Variants in NFU1 observed in about 807,000 individuals in gnomAD.
The protein encoded by NFU1 is NFU1 iron-sulfur cluster scaffold homolog, mitochondrial.
In NFU1, 30 loss-of-function variants were observed where a neutral mutation model predicts 32.2. That is an observed-to-expected ratio of 0.93 (90% CI 0.70 to 1.26). The LOEUF is 1.26. Ranked by LOEUF, NFU1 falls within the 50% of genes most tolerant of loss-of-function variation. The probability of loss-of-function intolerance (pLI) is 0.00; values close to 1 mark genes in which losing one functional copy is unlikely to be tolerated. For synonymous variants in NFU1, 112 were observed against 104.6 expected (o/e 1.07, Z -0.43); for missense variants, 306 against 306.6 (o/e 1.00, Z 0.02).
chr2:69,414,233 C>T (rs1408112492), intron 5 of NFU1, among the ~76,000 whole-genome samples: 2 of 151,976 alleles, frequency 1.3e-5, no homozygotes, highest in African/African-American at 4.8e-5. Flanking sequence ...CTATCCAGCA[C>T]ATAAAATGAG....
chr2:69,428,318 A>G (rs1430238469), intron 2 of NFU1, among the ~76,000 whole-genome samples: 1 of 152,036 alleles, frequency 6.6e-6, no homozygotes, highest in Non-Finnish European at 1.5e-5. Context: ...CCAGCTACCT[A>G]GAAGGCTGAT....
At chr2:69,422,293 ATTGT>A (rs995492803) in intron 3 of NFU1, among the ~76,000 whole-genome samples, 8 of 152,144 alleles carry the variant, frequency 5.3e-5, no homozygotes, top group Non-Finnish European at 7.4e-5. Flanking sequence ...AAACTGATGA[ATTGT>A]TTATTTCTGG....
chr2:69,431,472 AT>A (rs1247825432), intron 2 of NFU1, among the ~76,000 whole-genome samples: 1 of 152,006 alleles, frequency 6.6e-6, no homozygotes, highest in Non-Finnish European at 1.5e-5. Flanking sequence ...TGCCCAGCTA[AT>A]TTTTTGTATT....
intron 7 of NFU1, chr2:69,399,526 G>A (rs1558805516): frequency 4.1e-6 from 1 of 244,316 alleles, no homozygotes; most frequent in African/African-American, 2.4e-5. Flanking sequence ...GGCCAGTTGT[G>A]TTAATCCTTA....
intron 5 of NFU1, among the ~76,000 whole-genome samples, chr2:69,413,537 A>G (rs1672958278): frequency 2.6e-5 from 4 of 152,160 alleles, no homozygotes; most frequent in Admixed American, 1.3e-4. Flanking sequence ...AGGCAGGTGA[A>G]TCCACTTGAG....
chr2:69,438,634 G>C (rs954239846), upstream of NFU1, among the ~76,000 whole-genome samples: 1 of 152,196 alleles, frequency 6.6e-6, no homozygotes, highest in Non-Finnish European at 1.5e-5. Context: ...GGAAGACAGA[G>C]GACTGGTTTC....
At chr2:69,419,262 G>A (rs1011774720) in intron 4 of NFU1, among the ~76,000 whole-genome samples, 1 of 152,116 alleles carries the variant, frequency 6.6e-6, no homozygotes, top group East Asian at 1.9e-4. Flanking sequence ...GGGAGGCAGA[G>A]GTGGCAGTGA....
At chr2:69,398,972 G>A (rs893200726) in intron 7 of NFU1, among the ~76,000 whole-genome samples, 2 of 152,132 alleles carry the variant, frequency 1.3e-5, no homozygotes, top group African/African-American at 2.4e-5. Context: ...AGCACTCTGG[G>A]AGGCCGAGGC....
chr2:69,418,461 G>C (rs971348075), intron 4 of NFU1, among the ~76,000 whole-genome samples: 2 of 152,000 alleles, frequency 1.3e-5, no homozygotes. Flanking sequence ...CACTAACCCA[G>C]TATGTCCCCT....
intron 7 of NFU1, among the ~76,000 whole-genome samples, chr2:69,396,640 G>A (rs988490032): frequency 1.1e-4 from 17 of 151,712 alleles, no homozygotes; most frequent in African/African-American, 4.1e-4. Context: ...GCAACACAGC[G>A]AGACTCTGTC....
chr2:69,421,205 C>T (rs184320410), intron 3 of NFU1, among the ~76,000 whole-genome samples: 2 of 151,764 alleles, frequency 1.3e-5, no homozygotes, highest in Admixed American at 6.6e-5. Context: ...AAAAGTGAAA[C>T]CTTATCTCAA....
chr2:69,438,033 A>G (rs2104830368), upstream of NFU1, among the ~76,000 whole-genome samples: 1 of 152,320 alleles, frequency 6.6e-6, no homozygotes, highest in South Asian at 2.1e-4. Flanking sequence ...TTTCCAGGGC[A>G]GAGTGCCAAA....
At chr2:69,435,808 A>G (rs1320250875) in intron 1 of NFU1, among the ~76,000 whole-genome samples, 1 of 152,116 alleles carries the variant, frequency 6.6e-6, no homozygotes, top group East Asian at 1.9e-4. Flanking sequence ...GCTGAAGTGC[A>G]GTGGCGTGAT....
chr2:69,432,756 A>C (rs992192412), intron 1 of NFU1, among the ~76,000 whole-genome samples: 19 of 121,408 alleles, frequency 1.6e-4, no homozygotes, highest in Admixed American at 8.0e-4. Flanking sequence ...TAAATAGTGA[A>C]AGCCTCCCTC....
At chr2:69,413,158 A>C (rs1310242134) in intron 5 of NFU1, among the ~76,000 whole-genome samples, 1 of 151,792 alleles carries the variant, frequency 6.6e-6, no homozygotes, top group Admixed American at 6.6e-5. Flanking sequence ...GGTGGCAGGC[A>C]CCTGTAATCC....
At chr2:69,417,530 T>C (rs893152157) in intron 4 of NFU1, among the ~76,000 whole-genome samples, 1 of 151,500 alleles carries the variant, frequency 6.6e-6, no homozygotes, top group Non-Finnish European at 1.5e-5. Flanking sequence ...CATGCACCTG[T>C]AGTCCCAGCT....
At chr2:69,416,320 A>T (rs1014993163) in intron 4 of NFU1, 3 of 146,500 alleles carry the variant, frequency 2.0e-5, no homozygotes, top group African/African-American at 7.4e-5. Context: ...ATTTATAATT[A>T]ATAAAAATTA....
chr2:69,419,698 C>T (rs1673178329), intron 3 of NFU1, 94 bp from the exon 4 acceptor site: 1 of 758,444 alleles, frequency 1.3e-6, no homozygotes, highest in African/African-American at 1.8e-5. Context: ...AAATTCTCCA[C>T]ATATCCTTTG....
chr2:69,415,574 T>C (rs945547596), intron 4 of NFU1, among the ~76,000 whole-genome samples: 2 of 152,156 alleles, frequency 1.3e-5, no homozygotes, highest in Non-Finnish European at 2.9e-5. Context: ...ATTCCTATAA[T>C]GAAATACTCT....
Sources: gnomAD v4.1 joint callset for allele counts (sites outside exome capture counted in the v4.1 genomes callset) on GRCh38, gnomAD v4.1.1 for gene constraint, MANE v1.5 for transcripts, NCBI Gene and HGNC (gene_info 2026-07-23, HGNC 2026-07-21) for gene names.